CENPE: variants seen among roughly 807,000 people sequenced by gnomAD.
CENPE encodes the protein centromere-associated protein E.
In CENPE, 145 loss-of-function variants were observed where a neutral mutation model predicts 336.1. That is an observed-to-expected ratio of 0.43 (90% CI 0.38 to 0.50). The LOEUF (loss-of-function observed/expected upper bound fraction) is 0.50, where lower values mean the gene tolerates loss of function less well. Among genes scored for constraint, CENPE ranks in the 20% least tolerant of loss-of-function variants. CENPE has a pLI of 0.00. For synonymous variants in CENPE, 1,013 were observed against 984.8 expected (o/e 1.03, Z -0.54); for missense variants, 2,719 against 3,023.3 (o/e 0.90, Z 2.36).
At position 103,146,056 on chromosome 4, in the gene CENPE, C is replaced by T. The variant is rs776060720; in HGVS notation, c.4186G>A (p.Asp1396Asn). 11 of 1,613,720 alleles carry T rather than the reference C, an allele frequency of 6.8e-6. No individual in the cohort carries two copies. In the South Asian group the frequency reaches 9.9e-5, roughly 14 times the overall value. The change falls in exon 30 of 49, where the codon GAC becomes AAC. Residue 1396 changes from aspartate (D) to asparagine (N), a missense_variant. Physicochemically the swap from Asp to Asn is conservative, Grantham distance 23. This residue lies in a region of CENPE where 2,437 missense variants were observed against 2,513.3 expected (regional missense o/e 0.97). Coordinates refer to ENST00000265148, the MANE Select transcript of CENPE (RefSeq NM_001813.3). ...QEQSLNMKEK[D>N]NETTKIVSEM... ...CTCACGATTTTGGTAGTTTCATTGT[C>T]TTTTTCTTTCATATTTAAGGACTGT...
intron 1 of CENPE, among the ~76,000 whole-genome samples, chr4:103,197,438 C>T (rs1305650181): frequency 6.6e-6 from 1 of 152,236 alleles, no homozygotes; most frequent in South Asian, 2.1e-4. Flanking sequence ...CATTCTCTAC[C>T]TGCCCATCAT....
Position 103,167,916 on chromosome 4 carries a change from G to A in CENPE, c.1648-4363C>T, listed in dbSNP as rs576347455. On this transcript the variant is annotated intron_variant, in intron 16 of 48. Transcript: ENST00000265148. ...CTGCCTGTCGACATTGGTCTTGGCAGTGGACCCAAAAGTTAGCCTATAACT... is the reference window on the plus strand; with the variant it reads ...CTGCCTGTCGACATTGGTCTTGGCAATGGACCCAAAAGTTAGCCTATAACT... 2.0e-4 allele frequency among the ~76,000 whole-genome samples: 30 copies of A among 152,304 alleles called. 1 individual carries two copies. The South Asian group carries it at 5.8e-3, about 29-fold the overall frequency.
At chr4:103,135,575 G>A (rs1443844360) in intron 40 of CENPE, among the ~76,000 whole-genome samples, 5 of 148,608 alleles carry the variant, frequency 3.4e-5, no homozygotes, top group Admixed American at 3.3e-4. Flanking sequence ...ACCCTCCCTA[G>A]TAGTACAGTC....
rs772905136 is a variant in CENPE, at chr4:103,159,047, T to G, written c.2564A>C (p.Gln855Pro). ...QEIVNLSKEA[Q>P]KFDSSLGALK... is the part of the protein sequence containing the mutation. Reference sequence around the variant, plus strand: ...AGCACCCAAACTCGAATCAAATTTTTGGGCTTCTTTAGAGAGATTAACTAT... The same window carrying G: ...AGCACCCAAACTCGAATCAAATTTTGGGGCTTCTTTAGAGAGATTAACTAT... The change falls in exon 22 of 49, where the codon CAA becomes CCA. Residue 855 changes from glutamine (Q) to proline (P), a missense_variant. Physicochemically the swap from Gln to Pro is moderately conservative, Grantham distance 76. Coordinates refer to ENST00000265148, the MANE Select transcript of CENPE (RefSeq NM_001813.3). 6.5e-7 allele frequency: 1 copy of G among 1,536,158 alleles called. No individual in the cohort carries two copies. Among genetic ancestry groups the G allele is most frequent in the East Asian group, 2.2e-5 (1 of 44,452 alleles).
chr4:103,153,101 A>ACT lies in CENPE; in HGVS notation c.3181_3182dup (p.Ser1061ArgfsTer4). 6.2e-7 allele frequency: 1 copy of ACT among 1,612,904 alleles called. No individual in the cohort carries two copies. Among genetic ancestry groups the ACT allele is most frequent in the Non-Finnish European group, 8.5e-7 (1 of 1,179,472 alleles). On this transcript the variant is annotated frameshift_variant, in exon 25 of 49. Transcript: ENST00000265148. LOFTEE classifies it high-confidence loss of function. ...TCAATTGTTCCTTTTCTGCTATAAC[A>ACT]CTCTCTAACATTTGTTGGAGTTCAT... is the stretch of plus-strand genomic sequence containing the variant.
chr4:103,146,166 A>T, intron 29 of CENPE, 59 bp from the exon 30 acceptor site: 1 of 1,484,642 alleles, frequency 6.7e-7, no homozygotes, highest in South Asian at 1.3e-5. Flanking sequence ...TTTAGGGGAA[A>T]ATAAATCAGG....
chr4:103,114,378 CATA>C (rs1749889544), intron 46 of CENPE, 74 bp downstream of exon 46: 2 of 859,664 alleles, frequency 2.3e-6, no homozygotes, highest in Non-Finnish European at 2.0e-6. Context: ...TCACATACTA[CATA>C]ATATTAGTCT....
intron 1 of CENPE, among the ~76,000 whole-genome samples, chr4:103,197,237 T>A (rs1220648687): frequency 6.6e-6 from 1 of 152,216 alleles, no homozygotes. Context: ...CCTAGATACA[T>A]CCTAAGCTCT....
intron 36 of CENPE, 117 bp downstream of exon 36, chr4:103,140,693 TATTG>T (rs1752475976): frequency 1.3e-6 from 1 of 783,342 alleles, no homozygotes. Context: ...AGTGCCTTAT[TATTG>T]GTGGACACTT....
chr4:103,121,882 A>G (rs1313129538), intron 43 of CENPE, among the ~76,000 whole-genome samples: 3 of 152,068 alleles, frequency 2.0e-5, no homozygotes, highest in Non-Finnish European at 2.9e-5. Flanking sequence ...TTCCCACTGA[A>G]TTGAATGTTA....
intron 16 of CENPE, among the ~76,000 whole-genome samples, chr4:103,172,845 C>T (rs908171287): frequency 4.6e-5 from 7 of 151,594 alleles, no homozygotes; most frequent in African/African-American, 9.7e-5. Flanking sequence ...AACTATAAAA[C>T]GTTAATGAAA....
At chr4:103,190,132 G>A (rs1757165152) in intron 8 of CENPE, among the ~76,000 whole-genome samples, 1 of 152,098 alleles carries the variant, frequency 6.6e-6, no homozygotes, top group South Asian at 2.1e-4. Flanking sequence ...ACTGCTCAAG[G>A]AAATAAAAGA....
chr4:103,114,515 C>A lies in CENPE; in HGVS notation c.7480G>T (p.Glu2494Ter). The change falls in exon 46 of 49, where the codon GAA becomes TAA. Residue 2494 changes from glutamate to a stop codon, truncating the protein, a stop_gained. Coordinates refer to ENST00000265148, the MANE Select transcript of CENPE (RefSeq NM_001813.3). LOFTEE classifies it high-confidence loss of function. ...TTTTCTCTCAATAGCCTTATAACTTCCTTTTGATATTCTACAGTGGCTTTT... is the reference window on the plus strand; with the variant it reads ...TTTTCTCTCAATAGCCTTATAACTTACTTTTGATATTCTACAGTGGCTTTT... ...ATKATVEYQK[E>*]VIRLLRENLR... 6.2e-7 allele frequency: 1 copy of A among 1,611,548 alleles called. No homozygotes were observed. The highest frequency in any genetic ancestry group is 8.5e-7 in the Non-Finnish European group (1 of 1,178,972).
Position 103,141,891 on chromosome 4 carries a change from C to G in CENPE, c.5322G>C (p.Glu1774Asp). Residue 1774 changes from glutamate (E) to aspartate (D), a missense_variant, in exon 35 of 49, where the codon GAG (glutamate) becomes GAC (aspartate). By Grantham distance (45) the Glu-to-Asp change is conservative. Coordinates refer to ENST00000265148, the MANE Select transcript of CENPE (RefSeq NM_001813.3). ...ALKAQDLKIQ[E>D]ELRIAHMHLK... ...GATGCATGTGAGCAATTCTTAGTTC[C>G]TCTTGTATTTTCAGATCCTTTACCA... The G allele has an allele frequency of 6.3e-7, 1 of 1,595,452 alleles. No individual in the cohort carries two copies. Among genetic ancestry groups the G allele is most frequent in the East Asian group, 2.3e-5 (1 of 44,234 alleles).
Position 103,133,839 on chromosome 4 carries a change from A to G in CENPE, c.6576T>C (p.Asn2192=). The G allele has an allele frequency of 6.2e-7, 1 of 1,601,040 alleles. No homozygotes were observed. The highest frequency in any genetic ancestry group is 8.5e-7 in the Non-Finnish European group (1 of 1,170,456). Reference sequence around the variant, plus strand: ...CATCAATAAAATCCATTTCAAATTTATTGATGGATTCATGTTGTTCTTCTT... The same window carrying G: ...CATCAATAAAATCCATTTCAAATTTGTTGATGGATTCATGTTGTTCTTCTT... ...KIKEEQHESI[N]KFEMDFIDEV... The change falls in exon 41 of 49, where the codon AAT becomes AAC. Residue 2192 remains asparagine, a synonymous_variant. Coordinates refer to ENST00000265148, the MANE Select transcript of CENPE (RefSeq NM_001813.3).
At chr4:103,172,896 T>C (rs375181434) in intron 16 of CENPE, among the ~76,000 whole-genome samples, 8 of 152,144 alleles carry the variant, frequency 5.3e-5, no homozygotes, top group Middle Eastern at 6.8e-3. Flanking sequence ...TGCATGTTCA[T>C]GGATTGGAAG....
chr4:103,163,271 GGA>G lies in CENPE; in HGVS notation c.1723-17_1723-16del, dbSNP rs1304442313. The stretch of plus-strand genomic sequence containing the variant: ...CTGAGTTCATTCTAAAAGAATCAAA[GGA>G]GAGAGTAACAATTTAGAATCTGATT... On this transcript the variant is annotated splice_polypyrimidine_tract_variant and intron_variant, in intron 17 of 48. Transcript: ENST00000265148. 6.3e-7 allele frequency: 1 copy of G among 1,595,702 alleles called. No individual in the cohort carries two copies. The highest frequency in any genetic ancestry group is 8.5e-7 in the Non-Finnish European group (1 of 1,171,184).
chr4:103,138,325 T>A, intron 39 of CENPE, 26 bp downstream of exon 39: 2 of 1,453,714 alleles, frequency 1.4e-6, no homozygotes, highest in Non-Finnish European at 1.9e-6. Flanking sequence ...CAATAATCAT[T>A]TGTAGTTTTA....
At chr4:103,141,954 T>C in intron 34 of CENPE, 46 bp from the exon 35 acceptor site, 4 of 1,177,332 alleles carry the variant, frequency 3.4e-6, no homozygotes, top group Middle Eastern at 2.4e-4. Flanking sequence ...ATCTTAATAT[T>C]AGTTTTTAAA....
Sources: allele counts gnomAD v4.1 joint callset (sites outside exome capture counted in the v4.1 genomes callset), GRCh38; gene constraint gnomAD v4.1.1; regional missense constraint gnomAD v4.1.1; transcripts MANE v1.5; gene names NCBI Gene and HGNC (gene_info 2026-07-23, HGNC 2026-07-21).